Variants in GOLGA3 observed in about 807,000 individuals in gnomAD.
The protein encoded by GOLGA3 is golgin A3.
A neutral mutation model predicts 169.4 loss-of-function variants in GOLGA3; 75 were observed. That is an observed-to-expected ratio of 0.44 (90% confidence interval 0.37 to 0.54). The LOEUF (loss-of-function observed/expected upper bound fraction) is 0.54, where lower values mean the gene tolerates loss of function less well. Among genes scored for constraint, GOLGA3 ranks in the 20% least tolerant of loss-of-function variants. GOLGA3 has a pLI of 0.00. For synonymous variants in GOLGA3, 824 were observed against 822.4 expected, an observed-to-expected ratio of 1.00 and a Z score of -0.03; for missense variants, 1,899 against 1,930.0, an observed-to-expected ratio of 0.98 and a Z score of 0.30.
At chr12:132,792,453 G>A (rs1039992404) in intron 11 of GOLGA3, among the ~76,000 whole-genome samples, 18 of 152,246 alleles carry the variant, frequency 1.2e-4, no homozygotes, top group African/African-American at 3.9e-4. Flanking sequence ...CCCACAGGCT[G>A]AGGGTGCTGA....
intron 11 of GOLGA3, 145 bp downstream of exon 11, chr12:132,795,707 G>C: frequency 1.2e-6 from 1 of 860,788 alleles, no homozygotes; most frequent in East Asian, 2.5e-5. Flanking sequence ...GTTGCAGTGA[G>C]CGCAGATCAT....
intron 6 of GOLGA3, among the ~76,000 whole-genome samples, chr12:132,806,810 G>A (rs1253414436): frequency 6.6e-6 from 1 of 152,162 alleles, no homozygotes; most frequent in Non-Finnish European, 1.5e-5. Context: ...AGCTTTCTCT[G>A]ATACAGCACA....
At chr12:132,795,301 G>A (rs1948778903) in intron 11 of GOLGA3, among the ~76,000 whole-genome samples, 1 of 152,194 alleles carries the variant, frequency 6.6e-6, no homozygotes, top group Non-Finnish European at 1.5e-5. Context: ...AGACTAGCCT[G>A]GCCAACATGG....
chr12:132,790,190 C>A (rs1341154624), intron 12 of GOLGA3, among the ~76,000 whole-genome samples: 2 of 152,002 alleles, frequency 1.3e-5, no homozygotes, highest in Admixed American at 6.6e-5. Context: ...AAAAATTAGT[C>A]GGGCGTGGTG....
At position 132,789,019 on chromosome 12, in the gene GOLGA3, G is replaced by C; in HGVS notation, c.2811+8C>G. The C allele has an allele frequency of 2.2e-6, 3 of 1,339,580 alleles. No homozygotes were observed. The highest frequency in any genetic ancestry group is 3.0e-6 in the Non-Finnish European group (3 of 1,012,374). The allele number at this position is 1,339,580 out of a possible 1,614,324, so 83.0% of individuals were successfully genotyped here. Reference sequence around the variant, plus strand: ...CCCATCAAATGAGTCAACCCGACACGGACAGACCTGCAAGTGTGTTTCCAT... The same window carrying C: ...CCCATCAAATGAGTCAACCCGACACCGACAGACCTGCAAGTGTGTTTCCAT... On this transcript the variant is annotated splice_region_variant and intron_variant, in intron 13 of 23. Coordinates refer to ENST00000450791, the MANE Select transcript of GOLGA3 (RefSeq NM_001389683.1).
chr12:132,807,148 C>T (rs372006174), intron 6 of GOLGA3, 29 bp downstream of exon 6: 74 of 1,376,154 alleles, frequency 5.4e-5, no homozygotes, highest in Non-Finnish European at 6.4e-5. Flanking sequence ...CTTCGCCGCA[C>T]GCTGAGATGT....
chr12:132,812,999 T>C (rs1015565609), intron 4 of GOLGA3, among the ~76,000 whole-genome samples: 3 of 152,232 alleles, frequency 2.0e-5, no homozygotes, highest in African/African-American at 4.8e-5. Flanking sequence ...GCACACTTAG[T>C]AAACTACAGT....
chr12:132,789,358 G>A, intron 12 of GOLGA3, 68 bp from the exon 13 acceptor site: 6 of 1,390,934 alleles, frequency 4.3e-6, no homozygotes, highest in Non-Finnish European at 5.8e-6. Flanking sequence ...TGGGGGTCAA[G>A]CTGGCTTCAA....
At chr12:132,774,016 T>C in intron 23 of GOLGA3, 141 bp downstream of exon 23, 1 of 685,278 alleles carries the variant, frequency 1.5e-6, no homozygotes, top group East Asian at 2.8e-5. Flanking sequence ...CCTCAGAGGC[T>C]ATGTATGCGA....
intron 8 of GOLGA3, among the ~76,000 whole-genome samples, 161 bp from the exon 9 acceptor site, chr12:132,798,638 T>C (rs1243780752): frequency 2.2e-5 from 3 of 137,380 alleles, no homozygotes; most frequent in Non-Finnish European, 4.7e-5. Context: ...TCTCAAAATA[T>C]GCGCTGTCTG....
intron 4 of GOLGA3, among the ~76,000 whole-genome samples, chr12:132,812,227 A>AT (rs1254497409): frequency 1.4e-4 from 15 of 108,996 alleles, no homozygotes; most frequent in Non-Finnish European, 2.7e-4. Flanking sequence ...ATATATATAT[A>AT]TATTTTTTTT....
intron 18 of GOLGA3, among the ~76,000 whole-genome samples, chr12:132,780,410 C>T (rs754858673): frequency 2.6e-5 from 4 of 152,074 alleles, no homozygotes; most frequent in Admixed American, 1.3e-4. Context: ...AGGGCAGGGG[C>T]CAGCCACGAA....
chr12:132,800,163 A>C (rs116989184), intron 8 of GOLGA3, among the ~76,000 whole-genome samples: 4,051 of 152,322 alleles, frequency 0.027, 143 homozygotes, highest in Admixed American at 0.1. Flanking sequence ...CTATGTTGTA[A>C]GTAGAACAAA....
In GOLGA3 at chr12:132,769,109, T is replaced by C. The variant is rs1002533488; in HGVS notation, c.*3996A>G. On this transcript the variant is annotated 3_prime_UTR_variant, in exon 24 of 24. Transcript: ENST00000450791. Reference sequence around the variant, plus strand: ...AAACAAGTAACTCAAAAGCACTGAATTTTCCAGACCCTCTAACACATTTCC... The same window carrying C: ...AAACAAGTAACTCAAAAGCACTGAACTTTCCAGACCCTCTAACACATTTCC... The C allele has an allele frequency of 6.6e-6, 1 of 152,408 alleles. No individual in the cohort carries two copies. The highest frequency in any genetic ancestry group is 2.4e-5 in the African/African-American group (1 of 41,442). The allele number at this position is 152,408 out of a possible 1,614,324, so 9.4% of individuals were successfully genotyped here. A position where few individuals can be genotyped will look rare whatever the true frequency, so the allele number is the denominator to read the frequency against.
intron 13 of GOLGA3, among the ~76,000 whole-genome samples, chr12:132,788,500 C>T (rs1392073899): frequency 6.6e-6 from 1 of 152,180 alleles, no homozygotes; most frequent in Non-Finnish European, 1.5e-5. Flanking sequence ...GAAACTGTCA[C>T]CAGCATCTCG....
At chr12:132,815,286 G>A (rs541423315) in intron 3 of GOLGA3, among the ~76,000 whole-genome samples, 6 of 152,286 alleles carry the variant, frequency 3.9e-5, no homozygotes, top group Middle Eastern at 3.4e-3. Context: ...AAACACTGAC[G>A]CAGGAGATAG....
chr12:132,812,611 G>A (rs762891705), intron 4 of GOLGA3, among the ~76,000 whole-genome samples: 2 of 152,214 alleles, frequency 1.3e-5, no homozygotes, highest in South Asian at 2.1e-4. Context: ...CAGTGCTTCC[G>A]TGGAGAACTT....
chr12:132,808,693 G>A, intron 4 of GOLGA3, 144 bp from the exon 5 acceptor site: 1 of 720,212 alleles, frequency 1.4e-6, no homozygotes. Context: ...TCACCACACA[G>A]GGTGCGGCCA....
rs182539758 is a variant in GOLGA3, at chr12:132,782,628, G to A, written c.3268-135C>T. ...GCAGAGGCTCACGCCTGTAATCACA[G>A]CACATTGGGAGGCCGAGGCAGGGGG... On this transcript the variant is annotated intron_variant, in intron 16 of 23. Transcript: ENST00000450791. The A allele has an allele frequency of 2.2e-4, 155 of 711,636 alleles. No individual in the cohort carries two copies. In the East Asian group the frequency reaches 2.6e-3, roughly 12 times the overall value. The allele number at this position is 711,636 out of a possible 1,614,324, so 44.1% of individuals were successfully genotyped here. A position where few individuals can be genotyped will look rare whatever the true frequency, so the allele number is the denominator to read the frequency against.
Sources: gnomAD v4.1 joint callset for allele counts (sites outside exome capture counted in the v4.1 genomes callset) on GRCh38, gnomAD v4.1.1 for gene constraint, MANE v1.5 for transcripts, NCBI Gene and HGNC (gene_info 2026-07-23, HGNC 2026-07-21) for gene names.